The following CEP192 variants were observed in gnomAD, a reference collection of about 807,000 sequenced individuals.
CEP192 encodes centrosomal protein of 192 kDa.
A neutral mutation model predicts 271.8 loss-of-function variants in CEP192; 151 were observed. The ratio of observed to expected loss-of-function variants is 0.56; its 90% CI spans 0.49 to 0.64. The LOEUF (loss-of-function observed/expected upper bound fraction) is 0.64. CEP192 is among the 30% of genes least tolerant of loss of function. The probability of loss-of-function intolerance (pLI) is 0.00; values close to 1 mark genes in which losing one functional copy is unlikely to be tolerated. For synonymous variants in CEP192, 995 were observed against 1,076.5 expected (o/e 0.92, Z 1.48); for missense variants, 2,910 against 3,020.5 (o/e 0.96, Z 0.86).
chr18:13,101,483 A>T (rs1170761317), intron 38 of CEP192, among the ~76,000 whole-genome samples: 1 of 152,138 alleles, frequency 6.6e-6, no homozygotes, highest in East Asian at 1.9e-4. Flanking sequence ...GGCACTCTGT[A>T]TTGCTCACAT....
intron 8 of CEP192, 63 bp from the exon 9 acceptor site, chr18:13,019,019 G>T: frequency 7.1e-7 from 1 of 1,401,182 alleles, no homozygotes; most frequent in Non-Finnish European, 9.5e-7. Flanking sequence ...GCAAGAATCA[G>T]TTATTATGTT....
chr18:13,061,604 C>T (rs1164773388), intron 21 of CEP192, among the ~76,000 whole-genome samples: 1 of 152,170 alleles, frequency 6.6e-6, no homozygotes, highest in East Asian at 1.9e-4. Context: ...TTGATATTTG[C>T]ACATATTATA....
chr18:13,112,032 T>A (rs1467996481), intron 40 of CEP192, among the ~76,000 whole-genome samples: 1 of 152,218 alleles, frequency 6.6e-6, no homozygotes, highest in East Asian at 1.9e-4. Flanking sequence ...GGAGGGTATG[T>A]GAAATGGTAC....
At position 13,008,458 on chromosome 18, in the gene CEP192, C is replaced by T; in HGVS notation, c.293C>T (p.Ser98Phe). 3.3e-6 allele frequency: 5 copies of T among 1,536,790 alleles called. No individual in the cohort carries two copies. Among genetic ancestry groups the T allele is most frequent in the Non-Finnish European group, 4.4e-6 (5 of 1,139,272 alleles). Residue 98 changes from serine to phenylalanine, a missense_variant and splice_region_variant, in exon 4 of 45, where the codon TCT (serine) becomes TTT (phenylalanine). Ser to Phe is a radical substitution (Grantham distance 155). Transcript: ENST00000506447. Reference sequence around the variant, plus strand: ...TCTTCTGTTTCCTAATAAAAAAGTTCTATCTCTAGGAAAAAGAGCTATGTG... The same window carrying T: ...TCTTCTGTTTCCTAATAAAAAAGTTTTATCTCTAGGAAAAAGAGCTATGTG... The part of the protein sequence containing the change: ...RLQLSFQDDD[S>F]ISRKKSYVES...
intron 40 of CEP192, among the ~76,000 whole-genome samples, chr18:13,108,909 A>G (rs564602180): frequency 2.0e-5 from 3 of 152,108 alleles, no homozygotes; most frequent in Non-Finnish European, 2.9e-5. Context: ...AAAACAATAG[A>G]TGCTAGCAAG....
chr18:13,027,067 C>T (rs1187567672), intron 9 of CEP192, among the ~76,000 whole-genome samples: 1 of 152,066 alleles, frequency 6.6e-6, no homozygotes, highest in Non-Finnish European at 1.5e-5. Flanking sequence ...GATTCAGTCT[C>T]AGTCTTTAAG....
At chr18:12,999,828 A>ATTTTT (rs36207281) in intron 2 of CEP192, among the ~76,000 whole-genome samples, 2 of 124,038 alleles carry the variant, frequency 1.6e-5, no homozygotes, top group African/African-American at 5.5e-5. Flanking sequence ...ATTTCGGTCT[A>ATTTTT]TTTTTTTTTT....
Position 13,116,418 on chromosome 18 carries a change from A to T in CEP192, c.7331A>T (p.Asp2444Val). The T allele has an allele frequency of 1.9e-6, 3 of 1,613,178 alleles. No homozygotes were observed. The highest frequency in any genetic ancestry group is 4.5e-5 in the East Asian group (2 of 44,860). ...VTARGVYAPE[D>V]VYRFRPTSVG... ...GCTCGTGGAGTTTATGCCCCAGAGGATGTGTACAGGTTCCGGCCGACTAGT... is the reference window on the plus strand; with the variant it reads ...GCTCGTGGAGTTTATGCCCCAGAGGTTGTGTACAGGTTCCGGCCGACTAGT... Residue 2444 changes from aspartate (D) to valine (V), a missense_variant, in exon 43 of 45, where the codon GAT becomes GTT. By Grantham distance (152) the Asp-to-Val change is radical. Coordinates refer to ENST00000506447, the MANE Select transcript of CEP192 (RefSeq NM_032142.4).
chr18:13,026,227 G>A (rs867744056), intron 9 of CEP192, among the ~76,000 whole-genome samples: 4 of 152,096 alleles, frequency 2.6e-5, no homozygotes, highest in South Asian at 2.1e-4. Flanking sequence ...GCCAAATGTC[G>A]CTCTTTGTTC....
chr18:13,062,487 G>A (rs1251001303), intron 21 of CEP192, among the ~76,000 whole-genome samples: 1 of 150,546 alleles, frequency 6.6e-6, no homozygotes, highest in Non-Finnish European at 1.5e-5. Flanking sequence ...GAAGAAATGT[G>A]TGCAGGTTCC....
intron 11 of CEP192, among the ~76,000 whole-genome samples, chr18:13,034,708 C>T (rs1262734640): frequency 6.6e-6 from 1 of 150,802 alleles, no homozygotes; most frequent in Non-Finnish European, 1.5e-5. Flanking sequence ...CCCAGCTACT[C>T]AGGAGGGGGC....
In CEP192 at chr18:13,069,150, CT is replaced by C; in HGVS notation, c.5025del (p.Asn1677ThrfsTer51). ...AAGCAGCACTTACCTTTGAAAAATG[CT>C]GGGAACATTGAAGTTTATTTGGATA... is the stretch of plus-strand genomic sequence containing the variant. ...SRKQHLPLKNAGNIEVYLDIK... is the reference protein window; with the variant it reads ...SRKQHLPLKNXGNIEVYLDIK... On this transcript the variant is annotated frameshift_variant, in exon 26 of 45. Coordinates refer to ENST00000506447, the MANE Select transcript of CEP192 (RefSeq NM_032142.4). LOFTEE classifies it high-confidence loss of function. 2 of 1,614,130 alleles carry C rather than the reference CT, an allele frequency of 1.2e-6. No homozygotes were observed.
At chr18:13,105,126 A>G in intron 40 of CEP192, 47 bp downstream of exon 40, 3 of 1,322,474 alleles carry the variant, frequency 2.3e-6, no homozygotes, top group Non-Finnish European at 3.3e-6. Context: ...TAAATTGTCC[A>G]GGAGTGCCTC....
chr18:13,084,783 C>T (rs191594295), intron 30 of CEP192, among the ~76,000 whole-genome samples: 1 of 152,126 alleles, frequency 6.6e-6, no homozygotes, highest in Admixed American at 6.5e-5. Context: ...TCGCCATTCT[C>T]ACGCATGAGA....
rs562897034 is a variant in CEP192, at chr18:13,124,780, A to C, written c.*10A>C. The C allele has an allele frequency of 6.9e-6, 11 of 1,588,998 alleles. No homozygotes were observed. The highest frequency in any genetic ancestry group is 4.5e-5 in the East Asian group (2 of 44,442). ...TCTTGGAAAAAATTAACTAGAATACATTTTTGTGTAAAGTAAATTACATAA... is the reference window on the plus strand; with the variant it reads ...TCTTGGAAAAAATTAACTAGAATACCTTTTTGTGTAAAGTAAATTACATAA... On this transcript the variant is annotated 3_prime_UTR_variant, in exon 45 of 45. Coordinates refer to ENST00000506447, the MANE Select transcript of CEP192 (RefSeq NM_032142.4).
chr18:12,999,828 ATTTTTTT>A (rs36207281), intron 2 of CEP192, among the ~76,000 whole-genome samples: 18,798 of 124,018 alleles, frequency 0.15, 1,815 homozygotes, highest in African/African-American at 0.29. Flanking sequence ...ATTTCGGTCT[ATTTTTTT>A]TTTTTTTTTT....
chr18:13,033,113 C>G (rs533446758), intron 11 of CEP192, among the ~76,000 whole-genome samples: 3 of 152,194 alleles, frequency 2.0e-5, no homozygotes, highest in Admixed American at 2.0e-4. Flanking sequence ...TGTGAAAATT[C>G]CTTGAGCTGT....
intron 9 of CEP192, among the ~76,000 whole-genome samples, chr18:13,023,701 G>T (rs2035123758): frequency 6.6e-6 from 1 of 151,902 alleles, no homozygotes. Context: ...ATTTTTTTGT[G>T]ATGTCTTTAG....
intron 30 of CEP192, among the ~76,000 whole-genome samples, chr18:13,086,507 G>T (rs1213208137): frequency 1.3e-5 from 2 of 152,122 alleles, no homozygotes; most frequent in African/African-American, 4.8e-5. Flanking sequence ...CCCTCCATGG[G>T]CTGCATCCAC....
Sources: allele counts gnomAD v4.1 joint callset (sites outside exome capture counted in the v4.1 genomes callset), GRCh38; gene constraint gnomAD v4.1.1; transcripts MANE v1.5; gene names NCBI Gene and HGNC (gene_info 2026-07-23, HGNC 2026-07-21).